The following LMO3 variants were observed in gnomAD, a reference collection of about 807,000 sequenced individuals.
LMO3 encodes the protein LIM domain only protein 3.
Under a neutral mutation model 15.8 loss-of-function variants are expected in LMO3, and 2 were observed. The ratio of observed to expected loss-of-function variants is 0.13; its 90% CI spans 0.05 to 0.40. LMO3 has a LOEUF of 0.40. Ranked by LOEUF, LMO3 falls within the 10% of genes least tolerant of loss-of-function variation. LMO3 has a pLI of 0.99. For missense variants in LMO3, 86 were observed against 182.2 expected (o/e 0.47, Z 3.04); for synonymous variants, 62 against 63.8 (o/e 0.97, Z 0.13).
chr12:16,566,497 A>G (rs1159279019), intron 2 of LMO3, among the ~76,000 whole-genome samples: 1 of 152,164 alleles, frequency 6.6e-6, no homozygotes, highest in African/African-American at 2.4e-5. Context: ...ATATATATGC[A>G]TTGAAACATC....
At chr12:16,588,828 C>T (rs112344123) in intron 2 of LMO3, among the ~76,000 whole-genome samples, 3 of 152,142 alleles carry the variant, frequency 2.0e-5, no homozygotes, top group African/African-American at 7.2e-5. Flanking sequence ...CTTCAATCTT[C>T]TCCTCATGTT....
Position 16,604,747 on chromosome 12 carries a change from C to T in LMO3, c.-9+1319G>A. 8.9e-7 allele frequency: 1 copy of T among 1,122,576 alleles called. No individual in the cohort carries two copies. Among genetic ancestry groups the T allele is most frequent in the Non-Finnish European group, 1.3e-6 (1 of 757,496 alleles). 69.5% of individuals were successfully genotyped at this position (1,122,576 alleles called of 1,614,324 possible). A position where few individuals can be genotyped will look rare whatever the true frequency, so the allele number is the denominator to read the frequency against. On this transcript the variant is annotated intron_variant, in intron 1 of 3. Transcript: ENST00000537304. The surrounding 1 kb of genome is among the most constrained non-coding windows in gnomAD (Gnocchi z 5.3). ...CAGCAGTCTTTCAAAGCAGTTACAA[C>T]AATAATATTTCGGTTCTTTCAGAAA... is the stretch of plus-strand genomic sequence containing the variant.
chr12:16,562,742 G>GGCAATCTGCATAATT (rs1183920931), intron 2 of LMO3, among the ~76,000 whole-genome samples: 1 of 152,152 alleles, frequency 6.6e-6, no homozygotes, highest in African/African-American at 2.4e-5. Context: ...GAAAATCTAT[G>GGCAATCTGCATAATT]GCAATCTGCA....
In LMO3 at chr12:16,599,598, C is replaced by T. The variant is rs926951943; in HGVS notation, c.206+1057G>A. ...TCCAAATAAATCGCTTAATGTCAGA[C>T]CAGAAAAATGATAAATTGTATTAAA... On this transcript the variant is annotated intron_variant, in intron 2 of 3. Coordinates refer to ENST00000537304, the MANE Select transcript of LMO3 (RefSeq NM_018640.5). This position sits in a 1 kb window ranked among gnomAD's most constrained non-coding sequence, Gnocchi z 4.1. The T allele has an allele frequency of 6.6e-6, 1 of 152,006 alleles. No homozygotes were observed. Among genetic ancestry groups the T allele is most frequent in the Admixed American group, 6.6e-5 (1 of 15,254 alleles). 9.4% of individuals were successfully genotyped at this position (152,006 alleles called of 1,614,324 possible).
In LMO3 at chr12:16,599,599, C is replaced by G. The variant is rs1304686119; in HGVS notation, c.206+1056G>C. On this transcript the variant is annotated intron_variant, in intron 2 of 3. Transcript: ENST00000537304. The surrounding 1 kb of genome is among the most constrained non-coding windows in gnomAD (Gnocchi z 4.1). ...CCAAATAAATCGCTTAATGTCAGAC[C>G]AGAAAAATGATAAATTGTATTAAAT... 6.6e-6 allele frequency: 1 copy of G among 151,966 alleles called. No homozygotes were observed. Among genetic ancestry groups the G allele is most frequent in the East Asian group, 1.9e-4 (1 of 5,190 alleles). 9.4% of individuals were successfully genotyped at this position (151,966 alleles called of 1,614,324 possible). A position where few individuals can be genotyped will look rare whatever the true frequency, so the allele number is the denominator to read the frequency against.
rs1222692155 is a variant in LMO3 at position 16,597,807 on chromosome 12, A to T, written c.206+2848T>A. 2 of 152,018 alleles carry T rather than the reference A, an allele frequency of 1.3e-5. No homozygotes were observed. The highest frequency in any genetic ancestry group is 4.8e-5 in the African/African-American group (2 of 41,442). 9.4% of individuals were successfully genotyped at this position (152,018 alleles called of 1,614,324 possible). A position where few individuals can be genotyped will look rare whatever the true frequency, so the allele number is the denominator to read the frequency against. The stretch of plus-strand genomic sequence containing the variant: ...GAACTTAAGTGATTAAACATTGGTT[A>T]TATAAAATACAAAATGGAAGTATGC... On this transcript the variant is annotated intron_variant, in intron 2 of 3. Coordinates refer to ENST00000537304, the MANE Select transcript of LMO3 (RefSeq NM_018640.5). This position sits in a 1 kb window ranked among gnomAD's most constrained non-coding sequence, Gnocchi z 5.0.
rs895310740 is a variant in LMO3, at chr12:16,559,485, T to C, written c.332+928A>G. Among the ~76,000 whole-genome samples, 26 of 152,216 alleles carry C rather than the reference T, an allele frequency of 1.7e-4. No homozygotes were observed. The highest frequency in any genetic ancestry group is 6.3e-4 in the African/African-American group (26 of 41,460). ...GGTTTAAGATCGCACAGCTTATTAG[T>C]GGCAGAGCCCATATTAGAATTTAGG... On this transcript the variant is annotated intron_variant, in intron 3 of 3. Coordinates refer to ENST00000537304, the MANE Select transcript of LMO3 (RefSeq NM_018640.5). This position sits in a 1 kb window ranked among gnomAD's most constrained non-coding sequence, Gnocchi z 4.1.
At chr12:16,588,648 T>C (rs887763471) in intron 2 of LMO3, among the ~76,000 whole-genome samples, 1 of 152,110 alleles carries the variant, frequency 6.6e-6, no homozygotes, top group Non-Finnish European at 1.5e-5. Flanking sequence ...TAACAATCCA[T>C]TCCAAATTCC....
intron 2 of LMO3, among the ~76,000 whole-genome samples, chr12:16,562,186 A>G (rs1438196360): frequency 6.6e-6 from 1 of 152,156 alleles, no homozygotes; most frequent in African/African-American, 2.4e-5. Context: ...TTGTAAGGAG[A>G]ATTTTTTAGT....
chr12:16,564,899 C>T (rs562661466), intron 2 of LMO3, among the ~76,000 whole-genome samples: 39 of 152,204 alleles, frequency 2.6e-4, no homozygotes, highest in African/African-American at 9.4e-4. Flanking sequence ...GATCTTCGTG[C>T]CTCAGCTCCC....
chr12:16,594,337 A>G, intron 2 of LMO3: 1 of 1,362,138 alleles, frequency 7.3e-7, no homozygotes. Flanking sequence ...CAATTAAACT[A>G]AAAAATAAAA....
chr12:16,605,869 T>C lies in LMO3; in HGVS notation c.-9+197A>G, dbSNP rs1943979385. The C allele has an allele frequency of 4.0e-6, 6 of 1,518,060 alleles. No homozygotes were observed. In the Admixed American group the frequency reaches 9.8e-5, roughly 25 times the overall value. 94.0% of individuals were successfully genotyped at this position (1,518,060 alleles called of 1,614,324 possible). A position where few individuals can be genotyped will look rare whatever the true frequency, so the allele number is the denominator to read the frequency against. The stretch of plus-strand genomic sequence containing the variant: ...ATAAAAATAATGAAGCCTCACATGA[T>C]TTAAACAAAACCGTCTCAGTAGAGC... On this transcript the variant is annotated intron_variant, in intron 1 of 3. Transcript: ENST00000537304.
intron 2 of LMO3, among the ~76,000 whole-genome samples, chr12:16,564,485 T>C (rs1460644264): frequency 6.6e-6 from 1 of 152,214 alleles, no homozygotes; most frequent in Non-Finnish European, 1.5e-5. Flanking sequence ...TCAAGACATA[T>C]ACTCATTTAA....
chr12:16,604,992 C>T lies in LMO3; in HGVS notation c.-9+1074G>A, dbSNP rs147828364. 70 of 1,595,310 alleles carry T rather than the reference C, an allele frequency of 4.4e-5. 1 individual carries two copies. The African/African-American group carries it at 8.5e-4, about 19-fold the overall frequency. On this transcript the variant is annotated intron_variant, in intron 1 of 3. Transcript: ENST00000537304. This position sits in a 1 kb window ranked among gnomAD's most constrained non-coding sequence, Gnocchi z 5.3. ...TCCTTGATTTCGCTTAAGTGTGGAC[C>T]TGGTGCGCAGCCTACACCGCCGAGG...
chr12:16,580,945 C>A (rs1257483177), intron 2 of LMO3, among the ~76,000 whole-genome samples: 1 of 152,158 alleles, frequency 6.6e-6, no homozygotes, highest in Admixed American at 6.5e-5. Flanking sequence ...ATGCTATATA[C>A]AACACAGACA....
At chr12:16,557,867 A>G (rs1942251683) in intron 3 of LMO3, among the ~76,000 whole-genome samples, 1 of 152,052 alleles carries the variant, frequency 6.6e-6, no homozygotes, top group South Asian at 2.1e-4. Flanking sequence ...GGTGGTGCTG[A>G]AATCTGAATC....
intron 2 of LMO3, among the ~76,000 whole-genome samples, chr12:16,568,236 G>A (rs1942687804): frequency 6.6e-6 from 1 of 152,112 alleles, no homozygotes; most frequent in Non-Finnish European, 1.5e-5. Flanking sequence ...CAAGCTCTGT[G>A]AATAATCTGT....
rs975054568 is a variant in LMO3, at chr12:16,549,793, T to C, written c.*1429A>G. ...GGGCAACTCGGAAGAGGGGATCATA[T>C]TCTCATTTCCTTAATTGTAATTTAA... is the stretch of plus-strand genomic sequence containing the variant. On this transcript the variant is annotated 3_prime_UTR_variant, in exon 4 of 4. Coordinates refer to ENST00000537304, the MANE Select transcript of LMO3 (RefSeq NM_018640.5). 8 of 152,100 alleles carry C rather than the reference T, an allele frequency of 5.3e-5. No individual in the cohort carries two copies. Among genetic ancestry groups the C allele is most frequent in the African/African-American group, 1.9e-4 (8 of 41,430 alleles). 9.4% of individuals were successfully genotyped at this position (152,100 alleles called of 1,614,324 possible).
At chr12:16,581,003 T>TA (rs1943141576) in intron 2 of LMO3, among the ~76,000 whole-genome samples, 1 of 152,360 alleles carries the variant, frequency 6.6e-6, no homozygotes, top group East Asian at 1.9e-4. Context: ...TTATAACTAA[T>TA]GTTTTGATGA....
Sources: gnomAD v4.1 joint callset for allele counts (sites outside exome capture counted in the v4.1 genomes callset) on GRCh38, gnomAD v4.1.1 for gene constraint, Gnocchi (gnomAD v3.1) non-coding constraint, MANE v1.5 for transcripts, NCBI Gene and HGNC (gene_info 2026-07-23, HGNC 2026-07-21) for gene names.